Variants in FAM227B observed in about 807,000 individuals in gnomAD.
FAM227B encodes protein FAM227B.
FAM227B carries 88 observed loss-of-function variants against 73.8 expected under a neutral mutation model. The observed-to-expected ratio is 1.19, with a 90% CI of 1.00 to 1.42. The LOEUF (loss-of-function observed/expected upper bound fraction) is 1.42, where lower values mean the gene tolerates loss of function less well. Among genes scored for constraint, FAM227B ranks in the 40% most tolerant of loss-of-function variants. FAM227B has a pLI of 0.00. For synonymous variants in FAM227B, 210 were observed against 190.5 expected, an observed-to-expected ratio of 1.10 and a Z score of -0.84; for missense variants, 632 against 590.9, an observed-to-expected ratio of 1.07 and a Z score of -0.72.
chr15:49,397,445 C>T (rs577115698), intron 11 of FAM227B, among the ~76,000 whole-genome samples: 27 of 152,182 alleles, frequency 1.8e-4, no homozygotes, highest in African/African-American at 5.1e-4. Context: ...TCCAGGAGAA[C>T]TTCCCCAATC....
chr15:49,527,805 A>G (rs1233697601), intron 10 of FAM227B, among the ~76,000 whole-genome samples: 1 of 151,936 alleles, frequency 6.6e-6, no homozygotes, highest in Non-Finnish European at 1.5e-5. Flanking sequence ...TAAGAAAGTG[A>G]AAGATCTCTA....
At chr15:49,425,259 G>A (rs1382283219) in intron 11 of FAM227B, 1 of 151,866 alleles carries the variant, frequency 6.6e-6, no homozygotes, top group South Asian at 2.1e-4. Flanking sequence ...AAATGTAAAG[G>A]TGAGGGGAAA....
At chr15:49,555,398 A>C (rs1444167741) in intron 9 of FAM227B, among the ~76,000 whole-genome samples, 2 of 152,190 alleles carry the variant, frequency 1.3e-5, no homozygotes, top group African/African-American at 4.8e-5. Context: ...TCTGGGTTGT[A>C]GGGCTTTTGC....
In FAM227B at chr15:49,376,700, G is replaced by T. The variant is rs978372485; in HGVS notation, c.1013-5301C>A. ...TTGCATTTGTAGACCATTTTGGGGA[G>T]TATTGTATTAACAATATTAAATATT... On this transcript the variant is annotated intron_variant, in intron 11 of 15. Coordinates refer to ENST00000299338, the MANE Select transcript of FAM227B (RefSeq NM_152647.3). Among the ~76,000 whole-genome samples the T allele has an allele frequency of 2.4e-4, 37 of 152,032 alleles. 2 individuals carry two copies. The highest frequency in any genetic ancestry group is 3.2e-3 in the Middle Eastern group (1 of 316).
intron 11 of FAM227B, among the ~76,000 whole-genome samples, chr15:49,502,424 C>G (rs1421126475): frequency 1.3e-5 from 2 of 152,222 alleles, no homozygotes; most frequent in African/African-American, 2.4e-5. Context: ...GACATAAAGT[C>G]AAAGGAGGTT....
chr15:49,446,428 G>C (rs1007282859), intron 11 of FAM227B, among the ~76,000 whole-genome samples: 1 of 151,566 alleles, frequency 6.6e-6, no homozygotes, highest in African/African-American at 2.4e-5. Context: ...GGTAAGTTAC[G>C]ATAGTTGCTA....
chr15:49,400,042 A>C, intron 11 of FAM227B, among the ~76,000 whole-genome samples: 1 of 45,470 alleles, frequency 2.2e-5, no homozygotes, highest in Non-Finnish European at 4.9e-5. Context: ...TTCAATTAGG[A>C]AAAGAGGAAG....
intron 13 of FAM227B, among the ~76,000 whole-genome samples, chr15:49,357,695 T>C (rs1163333359): frequency 6.6e-6 from 1 of 151,728 alleles, no homozygotes; most frequent in Non-Finnish European, 1.5e-5. Flanking sequence ...CTGAAACTAT[T>C]CCAATCAATA....
At chr15:49,585,974 A>G (rs1209988114) in intron 5 of FAM227B, among the ~76,000 whole-genome samples, 1 of 152,216 alleles carries the variant, frequency 6.6e-6, no homozygotes, top group Non-Finnish European at 1.5e-5. Flanking sequence ...TGTAGATTCA[A>G]TGCTATTCCT....
At chr15:49,473,673 C>A (rs2054992251) in intron 11 of FAM227B, among the ~76,000 whole-genome samples, 1 of 152,020 alleles carries the variant, frequency 6.6e-6, no homozygotes, top group Admixed American at 6.5e-5. Context: ...AAAACTATTT[C>A]TCTTATTTCA....
chr15:49,335,512 T>C lies in FAM227B; in HGVS notation c.1272-16A>G, dbSNP rs565906911. 16 of 1,595,032 alleles carry C rather than the reference T, an allele frequency of 1.0e-5. No homozygotes were observed. In the South Asian group the frequency reaches 1.2e-4, roughly 12 times the overall value. On this transcript the variant is annotated splice_polypyrimidine_tract_variant and intron_variant, in intron 13 of 15. Transcript: ENST00000299338. ...AGCAGGTAGTGTGCTAGGCTTATTATTAAGGAATGATTTTCAATTAGGAAC... is the reference window on the plus strand; with the variant it reads ...AGCAGGTAGTGTGCTAGGCTTATTACTAAGGAATGATTTTCAATTAGGAAC...
chr15:49,565,998 C>T lies in FAM227B; in HGVS notation c.747+2247G>A, dbSNP rs555522394. Reference sequence around the variant, plus strand: ...CTCCTAAAGACATTGGTCCTGCTGACACCTTGATTTTAGCCCTGTAAGACT... The same window carrying T: ...CTCCTAAAGACATTGGTCCTGCTGATACCTTGATTTTAGCCCTGTAAGACT... On this transcript the variant is annotated intron_variant, in intron 9 of 15. Transcript: ENST00000299338. Among the ~76,000 whole-genome samples, 15 of 152,314 alleles carry T rather than the reference C, an allele frequency of 9.8e-5. No individual in the cohort carries two copies. The East Asian group carries it at 1.7e-3, about 18-fold the overall frequency.
intron 13 of FAM227B, among the ~76,000 whole-genome samples, chr15:49,344,639 A>G (rs2041209903): frequency 6.6e-6 from 1 of 152,224 alleles, no homozygotes; most frequent in Non-Finnish European, 1.5e-5. Flanking sequence ...GGAGCAATAC[A>G]CATAATTGAA....
rs1460532571 is a variant in FAM227B at position 49,589,942 on chromosome 15, TA to T, written c.170del (p.Ile57LysfsTer26). 6.2e-7 allele frequency: 1 copy of T among 1,608,766 alleles called. No homozygotes were observed. Among genetic ancestry groups the T allele is most frequent in the African/African-American group, 1.3e-5 (1 of 74,930 alleles). On this transcript the variant is annotated frameshift_variant, in exon 4 of 16. Transcript: ENST00000299338. LOFTEE classifies it high-confidence loss of function. Reference sequence around the variant, plus strand: ...TTGAAACAAATGAACTATCTTCTTTTATTTTTTTCAGAGTGCATGACCATTT... The same window carrying T: ...TTGAAACAAATGAACTATCTTCTTTTTTTTTTTCAGAGTGCATGACCATTT... The part of the protein sequence containing the change: ...DDKWSCTLKK[I>X]KEDSSFVSIY...
chr15:49,506,911 GT>G (rs1275131086), intron 11 of FAM227B, among the ~76,000 whole-genome samples: 1 of 152,036 alleles, frequency 6.6e-6, no homozygotes, highest in Non-Finnish European at 1.5e-5. Context: ...ATATATGGGA[GT>G]TGTTAATGCT....
At chr15:49,613,641 CATAA>C in intron 2 of FAM227B, among the ~76,000 whole-genome samples, 1 of 152,230 alleles carries the variant, frequency 6.6e-6, no homozygotes, top group East Asian at 1.9e-4. Flanking sequence ...ATGTCTACAA[CATAA>C]ATAAGTGATA....
intron 9 of FAM227B, among the ~76,000 whole-genome samples, chr15:49,548,401 G>A (rs754282383): frequency 8.5e-5 from 13 of 152,176 alleles, no homozygotes; most frequent in South Asian, 2.1e-4. Flanking sequence ...TCTTTCTCAC[G>A]TATTGTTGAA....
chr15:49,406,761 A>G (rs2048541600), intron 11 of FAM227B, among the ~76,000 whole-genome samples: 3 of 152,040 alleles, frequency 2.0e-5, no homozygotes, highest in Non-Finnish European at 4.4e-5. Flanking sequence ...AAACCCACCC[A>G]TACGCATGTG....
chr15:49,463,444 C>T (rs1243451020), intron 11 of FAM227B, among the ~76,000 whole-genome samples: 1 of 151,182 alleles, frequency 6.6e-6, no homozygotes, highest in Non-Finnish European at 1.5e-5. Context: ...ATCCCAGCTA[C>T]TTGGGAGGCC....
Sources: allele counts gnomAD v4.1 joint callset (sites outside exome capture counted in the v4.1 genomes callset), GRCh38; gene constraint gnomAD v4.1.1; transcripts MANE v1.5; gene names NCBI Gene and HGNC (gene_info 2026-07-23, HGNC 2026-07-21).